SLC8A3: variants seen among roughly 807,000 people sequenced by gnomAD.
SLC8A3 encodes sodium/calcium exchanger 3.
SLC8A3 carries 37 observed loss-of-function variants against 65.4 expected under a neutral mutation model. The ratio of observed to expected loss-of-function variants is 0.57; its 90% confidence interval spans 0.44 to 0.74. SLC8A3 has a LOEUF of 0.74. SLC8A3 is among the 30% of genes least tolerant of loss of function. The probability of loss-of-function intolerance (pLI) is 0.00; values close to 1 mark genes in which losing one functional copy is unlikely to be tolerated. For missense variants in SLC8A3, 1,112 were observed against 1,172.1 expected (o/e 0.95, Z 0.75); for synonymous variants, 461 against 444.5 (o/e 1.04, Z -0.47).
intron 2 of SLC8A3, among the ~76,000 whole-genome samples, chr14:70,077,857 C>T (rs1216987944): frequency 6.6e-6 from 1 of 152,204 alleles, no homozygotes; most frequent in East Asian, 1.9e-4. Flanking sequence ...GTCTGTTTCC[C>T]TTGCAAAAGA....
chr14:70,129,145 C>T (rs1428351170), intron 2 of SLC8A3, among the ~76,000 whole-genome samples: 3 of 152,226 alleles, frequency 2.0e-5, no homozygotes, highest in Non-Finnish European at 4.4e-5. Context: ...TCTCAGATCA[C>T]ACCCTTCTCA....
In SLC8A3 at chr14:70,121,783, G is replaced by A. The variant is rs1327343376; in HGVS notation, c.1784+44856C>T. On this transcript the variant is annotated intron_variant, in intron 2 of 6. Coordinates refer to ENST00000356921, the MANE Select transcript of SLC8A3 (RefSeq NM_182932.3). ...GCCTGGGAGCCCAGCTGGGGAGAGG[G>A]ATTTCTTTTCAATGAGGCTTTCTTT... Among the ~76,000 whole-genome samples the A allele has an allele frequency of 2.6e-5, 4 of 152,122 alleles. No homozygotes were observed. The East Asian group carries it at 5.8e-4, about 22-fold the overall frequency.
intron 5 of SLC8A3, among the ~76,000 whole-genome samples, chr14:70,049,813 CA>C (rs1292967074): frequency 1.3e-5 from 2 of 152,182 alleles, no homozygotes; most frequent in African/African-American, 2.4e-5. Context: ...GGATGGCTGT[CA>C]TTCCAGATCA....
rs1242018546 is a variant in SLC8A3 at position 70,167,373 on chromosome 14, G to A, written c.1050C>T (p.Ser350=). 2 of 1,613,926 alleles carry A rather than the reference G, an allele frequency of 1.2e-6. No individual in the cohort carries two copies. Among genetic ancestry groups the A allele is most frequent in the Non-Finnish European group, 1.7e-6 (2 of 1,179,868 alleles). ...NYYALSHQQK[S]RAFYRIQATR... is the part of the protein sequence containing the mutation. ...TGGCTTGGATACGGTAGAAGGCACG[G>A]CTCTTCTGTTGGTGGGAAAGAGCAT... The change falls in exon 2 of 7, where the codon AGC becomes AGT. Residue 350 remains serine, a synonymous_variant. Transcript: ENST00000356921.
At chr14:70,165,991 C>T (rs912967621) in intron 2 of SLC8A3, among the ~76,000 whole-genome samples, 2 of 152,188 alleles carry the variant, frequency 1.3e-5, no homozygotes, top group African/African-American at 4.8e-5. Flanking sequence ...AGTATCCAAA[C>T]CATACTGACT....
chr14:70,099,710 G>C (rs1056872782), intron 2 of SLC8A3, among the ~76,000 whole-genome samples: 4 of 152,192 alleles, frequency 2.6e-5, no homozygotes, highest in African/African-American at 4.8e-5. Context: ...CTGCCTCTTG[G>C]TTTGCACTAA....
Position 70,060,919 on chromosome 14 carries a change from A to G in SLC8A3, c.1805T>C (p.Ile602Thr). The change falls in exon 3 of 7, where the codon ATA becomes ACA. Residue 602 changes from isoleucine to threonine, a missense_variant. Physicochemically the swap from Ile to Thr is moderately conservative, Grantham distance 89. Transcript: ENST00000356921. ...CCTTTCGTATTCCTCCTCATCTACT[A>G]TTTTAACCCTTATGGTTTTCCTGTA... Reference protein sequence around the residue: ...DETVKTIRVKIVDEEEYERQE... With the variant: ...DETVKTIRVKTVDEEEYERQE... 1.3e-6 allele frequency: 2 copies of G among 1,507,696 alleles called. No homozygotes were observed. The highest frequency in any genetic ancestry group is 1.8e-6 in the Non-Finnish European group (2 of 1,125,428). 93.4% of individuals were successfully genotyped at this position (1,507,696 alleles called of 1,614,324 possible).
chr14:70,159,417 AAAAAAAAC>A (rs1202158238), intron 2 of SLC8A3, among the ~76,000 whole-genome samples: 2 of 151,626 alleles, frequency 1.3e-5, no homozygotes, highest in African/African-American at 4.8e-5. Flanking sequence ...TGTCAAAAAA[AAAAAAAAC>A]AAAAAAAACC....
Position 70,048,893 on chromosome 14 carries a change from A to C in SLC8A3, c.2263T>G (p.Ser755Ala), listed in dbSNP as rs1474006660. The C allele has an allele frequency of 1.2e-6, 2 of 1,614,216 alleles. No homozygotes were observed. Among genetic ancestry groups the C allele is most frequent in the South Asian group, 2.2e-5 (2 of 91,078 alleles). ...YCHGWACFAV[S>A]ILIIGMLTAI... is the part of the protein sequence containing the mutation. ...GTGAGCATGCCAATGATGAGGATGG[A>C]GACGGCGAAGCAGGCCCAGCCGTGG... Residue 755 changes from serine to alanine, a missense_variant, in exon 6 of 7, where the codon TCC becomes GCC. Transcript: ENST00000356921.
At position 70,165,163 on chromosome 14, in the gene SLC8A3, T is replaced by G. The variant is rs145290852; in HGVS notation, c.1784+1476A>C. On this transcript the variant is annotated intron_variant, in intron 2 of 6. Transcript: ENST00000356921. The stretch of plus-strand genomic sequence containing the variant: ...CTCCAGGCAAGGAAAGTATTGTTAT[T>G]CCCAGTTTGCATATCAGAAAGTTAA... Among the ~76,000 whole-genome samples, 8 of 152,324 alleles carry G rather than the reference T, an allele frequency of 5.3e-5. No individual in the cohort carries two copies. The East Asian group carries it at 1.5e-3, about 29-fold the overall frequency.
At chr14:70,181,070 T>C (rs1276903389) in intron 1 of SLC8A3, among the ~76,000 whole-genome samples, 7 of 152,166 alleles carry the variant, frequency 4.6e-5, no homozygotes, top group Non-Finnish European at 1.0e-4. Context: ...GAATACAGAA[T>C]TGTCAGGTCA....
intron 2 of SLC8A3, among the ~76,000 whole-genome samples, chr14:70,152,616 G>T (rs1394104803): frequency 1.3e-5 from 2 of 151,980 alleles, no homozygotes; most frequent in Non-Finnish European, 2.9e-5. Context: ...AGCTCTCTCA[G>T]CCTCCTACAC....
At chr14:70,170,715 G>T (rs1897474023) in intron 1 of SLC8A3, among the ~76,000 whole-genome samples, 2 of 152,120 alleles carry the variant, frequency 1.3e-5, no homozygotes, top group Admixed American at 6.5e-5. Flanking sequence ...TTCTCTTCGG[G>T]ACACAAAACA....
At chr14:70,111,027 C>T (rs576234695) in intron 2 of SLC8A3, among the ~76,000 whole-genome samples, 1 of 152,246 alleles carries the variant, frequency 6.6e-6, no homozygotes, top group East Asian at 1.9e-4. Flanking sequence ...GGGTACATAC[C>T]CAGCAGTGGG....
At chr14:70,070,585 C>T (rs1267917024) in intron 2 of SLC8A3, among the ~76,000 whole-genome samples, 2 of 152,156 alleles carry the variant, frequency 1.3e-5, no homozygotes, top group Admixed American at 6.5e-5. Flanking sequence ...CTGGGGCTGT[C>T]ACAAGTGCTG....
Position 70,096,564 on chromosome 14 carries a change from A to C in SLC8A3, c.1785-35625T>G, listed in dbSNP as rs112115526. Among the ~76,000 whole-genome samples the C allele has an allele frequency of 2.1e-3, 315 of 152,356 alleles. 2 individuals are homozygous for C. Among genetic ancestry groups the C allele is most frequent in the African/African-American group, 7.2e-3 (300 of 41,592 alleles). ...CCAGAATCAGACTGCCCAGTTTCAC[A>C]TCACAGCTCCACCCACTTACTAGTT... On this transcript the variant is annotated intron_variant, in intron 2 of 6. Transcript: ENST00000356921.
chr14:70,156,571 C>T (rs1364373507), intron 2 of SLC8A3, among the ~76,000 whole-genome samples: 1 of 152,218 alleles, frequency 6.6e-6, no homozygotes, highest in Non-Finnish European at 1.5e-5. Flanking sequence ...CCCTATTTTC[C>T]ACCCCAGTCC....
chr14:70,049,981 G>A (rs1179226652), intron 5 of SLC8A3, among the ~76,000 whole-genome samples: 1 of 152,210 alleles, frequency 6.6e-6, no homozygotes, highest in Admixed American at 6.5e-5. Context: ...CCTTGCCAAC[G>A]GCAACTTCTG....
Position 70,182,639 on chromosome 14 carries a change from A to C in SLC8A3, c.-63+5740T>G, listed in dbSNP as rs1205365245. On this transcript the variant is annotated intron_variant, in intron 1 of 6. Coordinates refer to ENST00000356921, the MANE Select transcript of SLC8A3 (RefSeq NM_182932.3). ...GGGAATGAGCAGTCCTTGTTGGATG[A>C]GACTTGGGGAGAAGGTGGAGAAAAG... Among the ~76,000 whole-genome samples, 6 of 152,250 alleles carry C rather than the reference A, an allele frequency of 3.9e-5. No individual in the cohort carries two copies. The East Asian group carries it at 1.2e-3, about 29-fold the overall frequency.
Sources: allele counts gnomAD v4.1 joint callset (sites outside exome capture counted in the v4.1 genomes callset), GRCh38; gene constraint gnomAD v4.1.1; transcripts MANE v1.5; gene names NCBI Gene and HGNC (gene_info 2026-07-23, HGNC 2026-07-21).